LARGE1: variants seen among roughly 807,000 people sequenced by gnomAD.
LARGE1 encodes the protein xylosyl- and glucuronyltransferase LARGE1.
A neutral mutation model predicts 87.6 loss-of-function variants in LARGE1; 43 were observed. The ratio of observed to expected loss-of-function variants is 0.49; its 90% CI spans 0.38 to 0.63. LARGE1 has a LOEUF of 0.63. Ranked by LOEUF, LARGE1 falls within the 30% of genes least tolerant of loss-of-function variation. LARGE1 has a pLI of 0.00. For missense variants in LARGE1, 802 were observed against 1,000.2 expected (o/e 0.80, Z 2.67); for synonymous variants, 434 against 394.6 (o/e 1.10, Z -1.18).
chr22:33,837,032 G>A (rs2063127800), intron 1 of LARGE1, among the ~76,000 whole-genome samples: 1 of 152,056 alleles, frequency 6.6e-6, no homozygotes, highest in South Asian at 2.1e-4. Context: ...CTAGAACCCA[G>A]GCAGCACACG....
chr22:33,442,669 T>C (rs553054802), intron 6 of LARGE1, among the ~76,000 whole-genome samples: 10 of 152,268 alleles, frequency 6.6e-5, no homozygotes, highest in Non-Finnish European at 8.8e-5. Context: ...AACATCCCCA[T>C]ACTTGTTCTT....
intron 1 of LARGE1, among the ~76,000 whole-genome samples, chr22:33,849,592 CTTTT>C (rs71187287): frequency 0.29 from 25,525 of 87,632 alleles, 1,466 homozygotes; most frequent in Admixed American, 0.42. Context: ...CTTTTCTTCT[CTTTT>C]TTTTTTTTTT....
intron 6 of LARGE1, among the ~76,000 whole-genome samples, chr22:33,471,198 T>C (rs2068828523): frequency 6.6e-6 from 1 of 151,942 alleles, no homozygotes; most frequent in Non-Finnish European, 1.5e-5. Flanking sequence ...CAGCTCATAC[T>C]TGTATTTTTA....
At chr22:33,580,101 T>G (rs1294103566) in intron 5 of LARGE1, among the ~76,000 whole-genome samples, 1 of 152,146 alleles carries the variant, frequency 6.6e-6, no homozygotes, top group Non-Finnish European at 1.5e-5. Flanking sequence ...CCGGGCGCAG[T>G]GGCTCACGCC....
intron 9 of LARGE1, among the ~76,000 whole-genome samples, chr22:33,367,642 G>T (rs1237848714): frequency 2.6e-5 from 4 of 151,954 alleles, no homozygotes; most frequent in Non-Finnish European, 5.9e-5. Context: ...GCTGAGGCTG[G>T]TCTTAAACTC....
chr22:33,456,578 T>C lies in LARGE1; in HGVS notation c.788-24313A>G, dbSNP rs143916664. Among the ~76,000 whole-genome samples the C allele has an allele frequency of 1.1e-4, 17 of 152,332 alleles. No individual in the cohort carries two copies. The East Asian group carries it at 3.1e-3, about 28-fold the overall frequency. ...CTTTTCCATTTCAATTAACTTTCTATTGAAGTGTCATTGAATGAAAGACAT... is the reference window on the plus strand; with the variant it reads ...CTTTTCCATTTCAATTAACTTTCTACTGAAGTGTCATTGAATGAAAGACAT... On this transcript the variant is annotated intron_variant, in intron 6 of 14. Coordinates refer to ENST00000397394, the MANE Select transcript of LARGE1 (RefSeq NM_133642.5).
At chr22:33,546,465 T>C (rs1397407086) in intron 6 of LARGE1, among the ~76,000 whole-genome samples, 1 of 152,224 alleles carries the variant, frequency 6.6e-6, no homozygotes, top group Non-Finnish European at 1.5e-5. Context: ...GGCAACACCA[T>C]TATGTTTGGC....
intron 2 of LARGE1, among the ~76,000 whole-genome samples, chr22:33,690,912 C>G (rs1250104177): frequency 6.6e-6 from 1 of 152,158 alleles, no homozygotes; most frequent in Non-Finnish European, 1.5e-5. Context: ...TAAAGTACCG[C>G]TGAACTAGTG....
chr22:33,501,559 CA>C (rs947304715), intron 6 of LARGE1, among the ~76,000 whole-genome samples: 1 of 152,192 alleles, frequency 6.6e-6, no homozygotes, highest in Non-Finnish European at 1.5e-5. Flanking sequence ...ATTCTGATCT[CA>C]ATGTGCTCTG....
At chr22:33,102,328 C>G in the LARGE1 span, among the ~76,000 whole-genome samples, 2 of 151,782 alleles carry the variant, frequency 1.3e-5, no homozygotes, top group African/African-American at 4.8e-5. Context: ...GCCACCATGC[C>G]CAGCTAATTT....
intron 7 of LARGE1, among the ~76,000 whole-genome samples, chr22:33,423,335 T>G (rs1281899181): frequency 6.6e-6 from 1 of 151,982 alleles, no homozygotes; most frequent in Non-Finnish European, 1.5e-5. Context: ...TTTATTTTAT[T>G]TACTCTTTAT....
chr22:33,107,240 A>G, the LARGE1 span, among the ~76,000 whole-genome samples: 7 of 152,270 alleles, frequency 4.6e-5, no homozygotes, highest in Non-Finnish European at 8.8e-5. Context: ...ATTAAAACAA[A>G]TGTTAAGATT....
intron 6 of LARGE1, among the ~76,000 whole-genome samples, chr22:33,443,362 A>G (rs1292656285): frequency 6.6e-6 from 1 of 152,158 alleles, no homozygotes; most frequent in African/African-American, 2.4e-5. Context: ...GGTAGACTCT[A>G]AAGGGCACAG....
chr22:33,656,171 C>T (rs778108905), intron 2 of LARGE1, among the ~76,000 whole-genome samples: 10 of 151,876 alleles, frequency 6.6e-5, no homozygotes, highest in Non-Finnish European at 1.3e-4. Flanking sequence ...AAGACATAGC[C>T]GAGACTGGGT....
At chr22:33,084,359 G>C in the LARGE1 span, among the ~76,000 whole-genome samples, 1 of 152,082 alleles carries the variant, frequency 6.6e-6, no homozygotes, top group African/African-American at 2.4e-5. Flanking sequence ...ATTGCTGTCT[G>C]ATAGAAATAT....
intron 11 of LARGE1, among the ~76,000 whole-genome samples, chr22:33,221,196 A>G (rs1282372112): frequency 6.6e-6 from 1 of 151,152 alleles, no homozygotes; most frequent in Non-Finnish European, 1.5e-5. Context: ...AGGGAATAAC[A>G]CAAAGGAATT....
At chr22:33,114,344 C>A in the LARGE1 span, among the ~76,000 whole-genome samples, 1 of 152,160 alleles carries the variant, frequency 6.6e-6, no homozygotes, top group Non-Finnish European at 1.5e-5. Flanking sequence ...CATAACTTAT[C>A]CCAGCAAGGT....
intron 10 of LARGE1, among the ~76,000 whole-genome samples, chr22:33,331,869 T>G (rs1937756891): frequency 6.6e-6 from 1 of 152,148 alleles, no homozygotes; most frequent in Non-Finnish European, 1.5e-5. Context: ...TCCTACTTAT[T>G]CAACCTTTAA....
exon 12 of LARGE1, chr22:33,164,228 C>T (rs1602029535): frequency 6.6e-6 from 1 of 152,130 alleles, no homozygotes; most frequent in Non-Finnish European, 1.5e-5. Flanking sequence ...CTCCTGCTGT[C>T]GATGTCTGAC....
Sources: allele counts gnomAD v4.1 joint callset (sites outside exome capture counted in the v4.1 genomes callset), GRCh38; gene constraint gnomAD v4.1.1; transcripts MANE v1.5; gene names NCBI Gene and HGNC (gene_info 2026-07-23, HGNC 2026-07-21).